CPSF6: variants seen among roughly 807,000 people sequenced by gnomAD.
CPSF6 encodes cleavage and polyadenylation specificity factor subunit 6.
Under a neutral mutation model 56.7 loss-of-function variants are expected in CPSF6, and 10 were observed. The observed-to-expected ratio is 0.18, with a 90% confidence interval of 0.11 to 0.30. CPSF6 has a LOEUF of 0.30. CPSF6 is among the 10% of genes least tolerant of loss of function. The pLI is 1.00. For missense variants in CPSF6, 419 were observed against 722.9 expected (o/e 0.58, Z 4.82); for synonymous variants, 248 against 244.8 (o/e 1.01, Z -0.12).
intron 9 of CPSF6, among the ~76,000 whole-genome samples, chr12:69,266,637 G>A (rs954838121): frequency 2.6e-5 from 4 of 152,134 alleles, no homozygotes; most frequent in Admixed American, 6.6e-5. Flanking sequence ...CCAAAAAGGG[G>A]TAAGGGTGCC....
At chr12:69,260,436 CT>C (rs1166989345) in intron 8 of CPSF6, among the ~76,000 whole-genome samples, 1 of 151,532 alleles carries the variant, frequency 6.6e-6, no homozygotes, top group Non-Finnish European at 1.5e-5. Flanking sequence ...CCCTGCCTAT[CT>C]TTTTAGCCTC....
chr12:69,254,569 A>G (rs1872416412), intron 3 of CPSF6, among the ~76,000 whole-genome samples: 1 of 152,210 alleles, frequency 6.6e-6, no homozygotes, highest in African/African-American at 2.4e-5. Context: ...CTTTAAGCTT[A>G]ATGAGAACAG....
chr12:69,258,576 C>G lies in CPSF6; in HGVS notation c.695-14C>G. On this transcript the variant is annotated splice_polypyrimidine_tract_variant and intron_variant, in intron 5 of 9. Coordinates refer to ENST00000435070, the MANE Select transcript of CPSF6 (RefSeq NM_007007.3). The surrounding 1 kb of genome is among the most constrained non-coding windows in gnomAD (Gnocchi z 4.2). The stretch of plus-strand genomic sequence containing the variant: ...GAAGTGTTTTTTTTTCTCTCTTTCT[C>G]CTTTGTTTTTTAGCTGGACAGACTC... 1 of 1,557,814 alleles carries G rather than the reference C, an allele frequency of 6.4e-7. No homozygotes were observed. Among genetic ancestry groups the G allele is most frequent in the Non-Finnish European group, 8.6e-7 (1 of 1,156,994 alleles).
rs1428109771 is a variant in CPSF6, at chr12:69,272,818, ATATAT to A, written c.*3313_*3317del. ...GTATATTAGACATTTTTGTGCTAAA[ATATAT>A]TAAGTGGGATTTTTGTAGCAAAGCA... On this transcript the variant is annotated 3_prime_UTR_variant, in exon 10 of 10. Transcript: ENST00000435070. The A allele has an allele frequency of 1.9e-5, 3 of 160,584 alleles. No homozygotes were observed. Among genetic ancestry groups the A allele is most frequent in the African/African-American group, 7.2e-5 (3 of 41,436 alleles). The allele number at this position is 160,584 out of a possible 1,614,324, so 9.9% of individuals were successfully genotyped here. A position where few individuals can be genotyped will look rare whatever the true frequency, so the allele number is the denominator to read the frequency against.
Position 69,272,152 on chromosome 12 carries a change from T to A in CPSF6, c.*2644T>A, listed in dbSNP as rs1474633428. 2 of 86,200 alleles carry A rather than the reference T, an allele frequency of 2.3e-5. No homozygotes were observed. Among genetic ancestry groups the A allele is most frequent in the African/African-American group, 6.2e-5 (2 of 32,076 alleles). 5.3% of individuals were successfully genotyped at this position (86,200 alleles called of 1,614,324 possible). On this transcript the variant is annotated 3_prime_UTR_variant, in exon 10 of 10. Coordinates refer to ENST00000435070, the MANE Select transcript of CPSF6 (RefSeq NM_007007.3). ...ATATTCCAGTGTAAATTTGCAGATGTGTGTTTTTTTTTTTTGTCACTTTTC... is the reference window on the plus strand; with the variant it reads ...ATATTCCAGTGTAAATTTGCAGATGAGTGTTTTTTTTTTTTGTCACTTTTC...
chr12:69,269,269 T>A (rs1011215938), intron 9 of CPSF6, among the ~76,000 whole-genome samples: 3 of 151,778 alleles, frequency 2.0e-5, no homozygotes, highest in African/African-American at 7.3e-5. Context: ...GCTTCAGTCA[T>A]TAAATTTATA....
In CPSF6 at chr12:69,258,565, T is replaced by TG. The variant is rs397687335; in HGVS notation, c.695-25_695-24insG. The TG allele has an allele frequency of 6.5e-7, 1 of 1,540,566 alleles. No individual in the cohort carries two copies. The highest frequency in any genetic ancestry group is 8.7e-7 in the Non-Finnish European group (1 of 1,151,076). On this transcript the variant is annotated intron_variant, in intron 5 of 9. Coordinates refer to ENST00000435070, the MANE Select transcript of CPSF6 (RefSeq NM_007007.3). This position sits in a 1 kb window ranked among gnomAD's most constrained non-coding sequence, Gnocchi z 4.2. Reference sequence around the variant, plus strand: ...ATCTTATTAGTGAAGTGTTTTTTTTTCTCTCTTTCTCCTTTGTTTTTTAGC... The same window carrying TG: ...ATCTTATTAGTGAAGTGTTTTTTTTTGCTCTCTTTCTCCTTTGTTTTTTAGC...
intron 1 of CPSF6, among the ~76,000 whole-genome samples, chr12:69,243,022 G>A (rs1466750924): frequency 6.6e-6 from 1 of 152,004 alleles, no homozygotes; most frequent in Non-Finnish European, 1.5e-5. Context: ...CAGGAGAATC[G>A]CTTGAACCTG....
chr12:69,247,329 G>A (rs188918835), intron 1 of CPSF6, among the ~76,000 whole-genome samples: 1 of 151,150 alleles, frequency 6.6e-6, no homozygotes, highest in Non-Finnish European at 1.5e-5. Context: ...AAGAATGATT[G>A]TAGTGATTTA....
At chr12:69,242,201 A>G (rs1351637159) in intron 1 of CPSF6, among the ~76,000 whole-genome samples, 1 of 107,156 alleles carries the variant, frequency 9.3e-6, no homozygotes, top group Non-Finnish European at 2.0e-5. Context: ...TGTTGTAAAC[A>G]TTAAAAAAAA....
chr12:69,248,860 A>G lies in CPSF6; in HGVS notation c.61-2269A>G, dbSNP rs141857534. ...GTAAATTGGATAAGTCATTAATTACATAAACGATTACCTGATGATTACTTG... is the reference window on the plus strand; with the variant it reads ...GTAAATTGGATAAGTCATTAATTACGTAAACGATTACCTGATGATTACTTG... On this transcript the variant is annotated intron_variant, in intron 1 of 9. Coordinates refer to ENST00000435070, the MANE Select transcript of CPSF6 (RefSeq NM_007007.3). Among the ~76,000 whole-genome samples the G allele has an allele frequency of 4.7e-3, 720 of 152,270 alleles. 3 individuals carry two copies. The highest frequency in any genetic ancestry group is 0.016 in the African/African-American group (672 of 41,552).
At chr12:69,240,625 T>C (rs1287808203) in intron 1 of CPSF6, among the ~76,000 whole-genome samples, 2 of 152,182 alleles carry the variant, frequency 1.3e-5, no homozygotes, top group Non-Finnish European at 2.9e-5. Flanking sequence ...CCTTATGATG[T>C]GGTTTAAAAA....
chr12:69,244,372 C>T (rs1214916992), intron 1 of CPSF6, among the ~76,000 whole-genome samples: 2 of 151,676 alleles, frequency 1.3e-5, no homozygotes, highest in Non-Finnish European at 2.9e-5. Flanking sequence ...TACAGGCACT[C>T]ACCACCATGC....
chr12:69,240,250 T>A (rs929225821), intron 1 of CPSF6, among the ~76,000 whole-genome samples: 1 of 152,176 alleles, frequency 6.6e-6, no homozygotes, highest in Admixed American at 6.5e-5. Flanking sequence ...TCACGGCCCT[T>A]TGTATCCCGC....
At chr12:69,263,413 A>G (rs1212984638) in intron 9 of CPSF6, among the ~76,000 whole-genome samples, 1 of 151,920 alleles carries the variant, frequency 6.6e-6, no homozygotes, top group Non-Finnish European at 1.5e-5. Context: ...ATGTAATTTT[A>G]TTTTTTATAT....
Position 69,258,638 on chromosome 12 carries a change from G to C in CPSF6, c.743G>C (p.Gly248Ala). 1.2e-6 allele frequency: 2 copies of C among 1,613,596 alleles called. No homozygotes were observed. Among genetic ancestry groups the C allele is most frequent in the Non-Finnish European group, 1.7e-6 (2 of 1,179,836 alleles). The change falls in exon 6 of 10, where the codon GGT (glycine) becomes GCT (alanine). Residue 248 changes from glycine to alanine, a missense_variant. Transcript: ENST00000435070. The surrounding 1 kb of genome is among the most constrained non-coding windows in gnomAD (Gnocchi z 4.2). ...RPPLGPPGPP[G>A]PPGPPPPGQV... ...CCCTTAGGTCCTCCAGGCCCACCTG[G>C]TCCACCAGGTCCTCCACCTCCTGGT... is the stretch of plus-strand genomic sequence containing the variant.
chr12:69,253,678 AAAAT>A (rs918934549), intron 3 of CPSF6, among the ~76,000 whole-genome samples: 4 of 152,090 alleles, frequency 2.6e-5, no homozygotes, highest in Admixed American at 1.3e-4. Context: ...CTTTTTCCTA[AAAAT>A]AAATAAATAA....
chr12:69,257,111 T>C (rs1299133495), intron 4 of CPSF6, among the ~76,000 whole-genome samples: 2 of 152,242 alleles, frequency 1.3e-5, no homozygotes, highest in Non-Finnish European at 2.9e-5. Context: ...TGTCCTATTA[T>C]TTCCATCTTA....
At chr12:69,265,943 T>A (rs1159482296) in intron 9 of CPSF6, among the ~76,000 whole-genome samples, 1 of 151,720 alleles carries the variant, frequency 6.6e-6, no homozygotes, top group African/African-American at 2.4e-5. Context: ...AATATCATGA[T>A]CTTAGGATCT....
Sources: gnomAD v4.1 joint callset for allele counts (sites outside exome capture counted in the v4.1 genomes callset) on GRCh38, gnomAD v4.1.1 for gene constraint, Gnocchi (gnomAD v3.1) non-coding constraint, MANE v1.5 for transcripts, NCBI Gene and HGNC (gene_info 2026-07-23, HGNC 2026-07-21) for gene names.